Variants in ASB7 observed in about 807,000 individuals in gnomAD.
ASB7 encodes the protein ankyrin repeat and SOCS box protein 7.
ASB7 carries 4 observed loss-of-function variants against 32.5 expected under a neutral mutation model. That is an observed-to-expected ratio of 0.12 (90% CI 0.06 to 0.28). The LOEUF (loss-of-function observed/expected upper bound fraction) is 0.28, where lower values mean the gene tolerates loss of function less well. ASB7 is among the 10% of genes least tolerant of loss of function. ASB7 has a pLI of 1.00. For missense variants in ASB7, 181 were observed against 407.1 expected, an observed-to-expected ratio of 0.44 and a Z score of 4.78; for synonymous variants, 172 against 155.6, an observed-to-expected ratio of 1.11 and a Z score of -0.78.
At chr15:100,620,486 C>T (rs577563116) in intron 4 of ASB7, among the ~76,000 whole-genome samples, 3 of 151,924 alleles carry the variant, frequency 2.0e-5, no homozygotes, top group South Asian at 2.1e-4. Context: ...TACTGTGGTC[C>T]GAAAATACTT....
At chr15:100,645,373 C>G (rs2039990527) in intron 5 of ASB7, 1 of 263,350 alleles carries the variant, frequency 3.8e-6, no homozygotes, top group African/African-American at 2.2e-5. Context: ...GATTCTCTAC[C>G]AATTTTCATT....
chr15:100,620,286 T>A (rs7167073), intron 4 of ASB7, among the ~76,000 whole-genome samples: 43,600 of 152,136 alleles, frequency 0.29, 7,413 homozygotes, highest in South Asian at 0.42. Context: ...TATTGTTTTT[T>A]AAAAATGTAT....
intron 5 of ASB7, among the ~76,000 whole-genome samples, chr15:100,644,178 A>G (rs1274988585): frequency 6.6e-6 from 1 of 152,254 alleles, no homozygotes; most frequent in Non-Finnish European, 1.5e-5. Context: ...AACTTGGGAG[A>G]TGGAGGTTGC....
At chr15:100,630,915 T>G (rs2039878482) in intron 5 of ASB7, among the ~76,000 whole-genome samples, 1 of 152,204 alleles carries the variant, frequency 6.6e-6, no homozygotes, top group Non-Finnish European at 1.5e-5. Context: ...TCCTCACTGG[T>G]TTTGAGCCTT....
rs371262240 is a variant in ASB7, at chr15:100,648,345, C to A, written c.840C>A (p.Asp280Glu). 1 of 1,603,994 alleles carries A rather than the reference C, an allele frequency of 6.2e-7. No individual in the cohort carries two copies. Among genetic ancestry groups the A allele is most frequent in the Non-Finnish European group, 8.5e-7 (1 of 1,176,582 alleles). ...TAGGACAGCCCAGAAACTTGCAGGA[C>A]CTGTGCCGAATTAAAATTCGACAAT... The part of the protein sequence containing the change: ...EVTRQPRNLQ[D>E]LCRIKIRQCI... The change falls in exon 6 of 6, where the codon GAC (aspartate) becomes GAA (glutamate). Residue 280 changes from aspartate to glutamate, a missense_variant. Coordinates refer to ENST00000332783, the MANE Select transcript of ASB7 (RefSeq NM_198243.3).
chr15:100,614,835 G>T (rs949851523), intron 4 of ASB7, among the ~76,000 whole-genome samples: 5 of 152,042 alleles, frequency 3.3e-5, no homozygotes, highest in African/African-American at 1.2e-4. Flanking sequence ...GTCCTGGGCT[G>T]CATGCCCACC....
chr15:100,603,667 T>A (rs2039598151), intron 2 of ASB7, among the ~76,000 whole-genome samples: 1 of 152,200 alleles, frequency 6.6e-6, no homozygotes, highest in Non-Finnish European at 1.5e-5. Context: ...TGTTAATTGC[T>A]TGTTAATTCT....
intron 4 of ASB7, among the ~76,000 whole-genome samples, chr15:100,626,301 A>G (rs552004634): frequency 6.6e-6 from 1 of 152,342 alleles, no homozygotes; most frequent in East Asian, 1.9e-4. Flanking sequence ...GAGACAACCA[A>G]TAAAAATGGA....
intron 2 of ASB7, among the ~76,000 whole-genome samples, chr15:100,607,962 G>T (rs1284152726): frequency 6.6e-6 from 1 of 152,110 alleles, no homozygotes; most frequent in East Asian, 1.9e-4. Flanking sequence ...GACACTTCCA[G>T]CTGCCTCCAT....
At chr15:100,611,813 T>C (rs1441907072) in intron 3 of ASB7, among the ~76,000 whole-genome samples, 1 of 136,188 alleles carries the variant, frequency 7.3e-6, no homozygotes, top group Non-Finnish European at 1.5e-5. Context: ...TTAAAATATA[T>C]TGCTACTTTT....
intron 4 of ASB7, among the ~76,000 whole-genome samples, chr15:100,614,742 C>CAAAAAAAA (rs58705118): frequency 1.9e-4 from 11 of 57,110 alleles, no homozygotes; most frequent in East Asian, 6.0e-4. Flanking sequence ...AGCTGATGAG[C>CAAAAAAAA]AAAAAAAAAA....
At chr15:100,614,603 GA>G (rs956109294) in intron 4 of ASB7, among the ~76,000 whole-genome samples, 2 of 151,792 alleles carry the variant, frequency 1.3e-5, no homozygotes, top group African/African-American at 4.8e-5. Flanking sequence ...ATGGTGGGGG[GA>G]AAAAAAGAAA....
intron 4 of ASB7, among the ~76,000 whole-genome samples, chr15:100,614,747 A>C (rs1180031392): frequency 2.0e-5 from 3 of 151,264 alleles, no homozygotes; most frequent in African/African-American, 7.3e-5. Flanking sequence ...ATGAGCAAAA[A>C]AAAAAAAAAA....
At chr15:100,636,656 T>G (rs2039925202) in intron 5 of ASB7, among the ~76,000 whole-genome samples, 1 of 152,232 alleles carries the variant, frequency 6.6e-6, no homozygotes, top group Non-Finnish European at 1.5e-5. Flanking sequence ...AATTGGAACA[T>G]AGTCCCCAAG....
intron 3 of ASB7, among the ~76,000 whole-genome samples, chr15:100,611,461 T>C (rs531855343): frequency 1.3e-5 from 2 of 149,646 alleles, no homozygotes; most frequent in African/African-American, 4.9e-5. Context: ...GATCATGTGG[T>C]TAATCACCAG....
At chr15:100,628,935 CT>C (rs943146982) in intron 4 of ASB7, among the ~76,000 whole-genome samples, 4 of 152,024 alleles carry the variant, frequency 2.6e-5, no homozygotes, top group African/African-American at 7.2e-5. Context: ...CACAGAAAAA[CT>C]TTTTTTTATT....
At chr15:100,607,574 T>C (rs998828715) in intron 2 of ASB7, among the ~76,000 whole-genome samples, 4 of 152,218 alleles carry the variant, frequency 2.6e-5, no homozygotes, top group African/African-American at 9.6e-5. Flanking sequence ...ATGCAGGGAG[T>C]ACTTTTTTGG....
chr15:100,627,715 G>A (rs2039851543), intron 4 of ASB7, among the ~76,000 whole-genome samples: 1 of 152,208 alleles, frequency 6.6e-6, no homozygotes. Flanking sequence ...AAGGATGGTG[G>A]CTGAAGGGTG....
At chr15:100,615,120 G>A (rs561342675) in intron 4 of ASB7, among the ~76,000 whole-genome samples, 28 of 152,192 alleles carry the variant, frequency 1.8e-4, no homozygotes, top group Non-Finnish European at 3.7e-4. Context: ...TATATAACCT[G>A]GGTGTGTAGT....
Sources: gnomAD v4.1 joint callset for allele counts (sites outside exome capture counted in the v4.1 genomes callset) on GRCh38, gnomAD v4.1.1 for gene constraint, MANE v1.5 for transcripts, NCBI Gene and HGNC (gene_info 2026-07-23, HGNC 2026-07-21) for gene names.